The following CENPE variants were observed in gnomAD, a reference collection of about 807,000 sequenced individuals.
The protein encoded by CENPE is centromere-associated protein E.
CENPE carries 145 observed loss-of-function variants against 336.1 expected under a neutral mutation model. The observed-to-expected ratio is 0.43, with a 90% confidence interval of 0.38 to 0.50. The LOEUF is 0.50. CENPE is among the 20% of genes least tolerant of loss of function. The probability of loss-of-function intolerance (pLI) is 0.00; values close to 1 mark genes in which losing one functional copy is unlikely to be tolerated. For synonymous variants in CENPE, 1,013 were observed against 984.8 expected, an observed-to-expected ratio of 1.03 and a Z score of -0.54; for missense variants, 2,719 against 3,023.3, an observed-to-expected ratio of 0.90 and a Z score of 2.36.
chr4:103,145,580 A>G lies in CENPE; in HGVS notation c.4515T>C (p.Thr1505=), dbSNP rs1462271080. ...ELRVNLSEKE[T]EISTIQKQLE... The stretch of plus-strand genomic sequence containing the variant: ...ACTGCTTTTGAATGGTTGATATTTC[A>G]GTTTCCTTCTCTGAAAGATTCACTC... Residue 1505 remains threonine, a synonymous_variant, in exon 31 of 49, where the codon ACT becomes ACC. Transcript: ENST00000265148. 6.2e-7 allele frequency: 1 copy of G among 1,610,354 alleles called. No individual in the cohort carries two copies. The highest frequency in any genetic ancestry group is 2.2e-5 in the East Asian group (1 of 44,716).
chr4:103,158,096 T>C (rs1181783450), intron 24 of CENPE, among the ~76,000 whole-genome samples: 3 of 151,894 alleles, frequency 2.0e-5, no homozygotes, highest in Middle Eastern at 3.2e-3. Flanking sequence ...TAATACATTT[T>C]TGGGCCCTTT....
intron 45 of CENPE, among the ~76,000 whole-genome samples, chr4:103,115,324 G>C (rs1749995332): frequency 6.6e-6 from 1 of 152,016 alleles, no homozygotes; most frequent in African/African-American, 2.4e-5. Flanking sequence ...AGTAGAGACG[G>C]GGTTTCACCA....
At chr4:103,174,619 C>A (rs767905217) in intron 16 of CENPE, 117 bp downstream of exon 16, 19 of 664,378 alleles carry the variant, frequency 2.9e-5, no homozygotes, top group Non-Finnish European at 4.5e-5. Flanking sequence ...ACAATAAACA[C>A]ATAAAATGTT....
intron 8 of CENPE, among the ~76,000 whole-genome samples, chr4:103,191,248 A>G (rs748234077): frequency 2.0e-5 from 3 of 152,230 alleles, no homozygotes; most frequent in Admixed American, 2.0e-4. Flanking sequence ...GTGATTCCTC[A>G]GGGATCTAGA....
chr4:103,120,642 T>C (rs765584881), intron 43 of CENPE, among the ~76,000 whole-genome samples: 1 of 152,228 alleles, frequency 6.6e-6, no homozygotes, highest in Non-Finnish European at 1.5e-5. Context: ...GCATATTAAA[T>C]AGGCACTCAT....
intron 29 of CENPE, 104 bp from the exon 30 acceptor site, chr4:103,146,211 C>T (rs1004392217): frequency 5.9e-6 from 6 of 1,019,850 alleles, no homozygotes; most frequent in Admixed American, 2.6e-5. Context: ...GGATTCAGTG[C>T]CTCATTTACA....
chr4:103,178,300 A>C (rs1358931326), intron 13 of CENPE, among the ~76,000 whole-genome samples: 1 of 152,108 alleles, frequency 6.6e-6, no homozygotes, highest in Non-Finnish European at 1.5e-5. Context: ...TTGCATGGCA[A>C]TATTCCCTTC....
intron 18 of CENPE, 95 bp downstream of exon 18, chr4:103,163,042 A>C: frequency 1.0e-6 from 1 of 959,504 alleles, no homozygotes; most frequent in South Asian, 2.0e-5. Flanking sequence ...ACAACAATAC[A>C]CAGCACAAAG....
In CENPE at chr4:103,182,939, A is replaced by G. The variant is rs376820132; in HGVS notation, c.834-48T>C. ...GGAGAAAAAGATTGAGAACGTTTAT[A>G]TAATAAAGTAGTTGGTTTTTAATGC... On this transcript the variant is annotated intron_variant, in intron 10 of 48. Coordinates refer to ENST00000265148, the MANE Select transcript of CENPE (RefSeq NM_001813.3). 8.6e-5 allele frequency: 134 copies of G among 1,565,442 alleles called. No homozygotes were observed. The Middle Eastern group carries it at 1.2e-3, about 14-fold the overall frequency.
chr4:103,163,311 G>T (rs1754614562), intron 17 of CENPE, 55 bp from the exon 18 acceptor site: 1 of 1,475,954 alleles, frequency 6.8e-7, no homozygotes, highest in Non-Finnish European at 9.3e-7. Flanking sequence ...AAGTCTAAGG[G>T]ATTAAAACAG....
chr4:103,140,181 G>C, intron 37 of CENPE, 75 bp downstream of exon 37: 1 of 1,468,090 alleles, frequency 6.8e-7, no homozygotes, highest in Non-Finnish European at 9.2e-7. Context: ...CTACATATCT[G>C]TATCTATATC....
intron 24 of CENPE, among the ~76,000 whole-genome samples, chr4:103,153,739 G>A (rs959869203): frequency 6.6e-6 from 1 of 152,092 alleles, no homozygotes; most frequent in South Asian, 2.1e-4. Context: ...ACTACTAAAC[G>A]AGTAAGCAAT....
At chr4:103,156,906 T>C (rs1754006075) in intron 24 of CENPE, among the ~76,000 whole-genome samples, 1 of 151,608 alleles carries the variant, frequency 6.6e-6, no homozygotes, top group African/African-American at 2.4e-5. Context: ...CAACCCAGTA[T>C]AAAAATGGGA....
At chr4:103,172,539 C>A (rs1755500376) in intron 16 of CENPE, among the ~76,000 whole-genome samples, 1 of 151,998 alleles carries the variant, frequency 6.6e-6, no homozygotes, top group African/African-American at 2.4e-5. Flanking sequence ...AGATCTAGAA[C>A]AGGATAAGGA....
chr4:103,145,610 C>G lies in CENPE; in HGVS notation c.4485G>C (p.Glu1495Asp), dbSNP rs146172053. The G allele has an allele frequency of 6.2e-7, 1 of 1,610,410 alleles. No individual in the cohort carries two copies. The highest frequency in any genetic ancestry group is 1.3e-5 in the African/African-American group (1 of 74,830). Residue 1495 changes from glutamate to aspartate, a missense_variant, in exon 31 of 49, where the codon GAG (glutamate) becomes GAC (aspartate). Physicochemically the swap from Glu to Asp is conservative, Grantham distance 45. Around this residue, in one of 5 missense-constraint regions of CENPE, gnomAD observed 2,437 missense variants for 2,513.3 expected, o/e 0.97. Coordinates refer to ENST00000265148, the MANE Select transcript of CENPE (RefSeq NM_001813.3). ...CLKEQEETIN[E>D]LRVNLSEKET... The stretch of plus-strand genomic sequence containing the variant: ...CCTTCTCTGAAAGATTCACTCTTAA[C>G]TCATTAATAGTTTCCTCTTGTTCTT...
intron 48 of CENPE, among the ~76,000 whole-genome samples, chr4:103,108,103 T>G: frequency 6.6e-6 from 1 of 152,326 alleles, no homozygotes; most frequent in South Asian, 2.1e-4. Flanking sequence ...CTGTTCCATC[T>G]GCCTGAGATG....
Position 103,181,409 on chromosome 4 carries a change from C to T in CENPE, c.1011G>A (p.Glu337=), listed in dbSNP as rs757413374. Residue 337 remains glutamate (E), a synonymous_variant, in exon 12 of 49, where the codon GAG becomes GAA. Transcript: ENST00000265148. ...KYMKNTPYVN[E]VSTDEALLKR... is the part of the protein sequence containing the mutation. ...TCAGGAGAGCTTCATCAGTTGATAC[C>T]TCATTAACATAAGGAGTATTCTTCA... is the stretch of plus-strand genomic sequence containing the variant. 9 of 1,566,572 alleles carry T rather than the reference C, an allele frequency of 5.7e-6. No homozygotes were observed. The highest frequency in any genetic ancestry group is 1.9e-5 in the Admixed American group (1 of 52,210).
intron 41 of CENPE, 100 bp from the exon 42 acceptor site, chr4:103,132,996 G>A (rs1293750642): frequency 4.1e-5 from 5 of 121,050 alleles, no homozygotes; most frequent in African/African-American, 2.6e-4. Context: ...AATAAAAAGA[G>A]GGCAATACCT....
chr4:103,114,489 A>AT lies in CENPE; in HGVS notation c.7505dup (p.Asn2502LysfsTer19). On this transcript the variant is annotated frameshift_variant, in exon 46 of 49. Coordinates refer to ENST00000265148, the MANE Select transcript of CENPE (RefSeq NM_001813.3). LOFTEE classifies it high-confidence loss of function. ...CTTGGGCCTGTTGACTTCTTCTGAG[A>AT]TTTTCTCTCAATAGCCTTATAACTT... 6.2e-7 allele frequency: 1 copy of AT among 1,611,882 alleles called. No individual in the cohort carries two copies. Among genetic ancestry groups the AT allele is most frequent in the Non-Finnish European group, 8.5e-7 (1 of 1,178,964 alleles).
Sources: allele counts gnomAD v4.1 joint callset (sites outside exome capture counted in the v4.1 genomes callset), GRCh38; gene constraint gnomAD v4.1.1; regional missense constraint gnomAD v4.1.1; transcripts MANE v1.5; gene names NCBI Gene and HGNC (gene_info 2026-07-23, HGNC 2026-07-21).